Variants in PCCA observed in about 807,000 individuals in gnomAD.
PCCA encodes propionyl-CoA carboxylase alpha chain, mitochondrial.
Under a neutral mutation model 101.3 loss-of-function variants are expected in PCCA, and 74 were observed. The ratio of observed to expected loss-of-function variants is 0.73; its 90% CI spans 0.61 to 0.89. The LOEUF is 0.89. Among genes scored for constraint, PCCA ranks in the 40% least tolerant of loss-of-function variants. The pLI is 0.00. For synonymous variants in PCCA, 294 were observed against 313.6 expected, an observed-to-expected ratio of 0.94 and a Z score of 0.66; for missense variants, 891 against 907.0, an observed-to-expected ratio of 0.98 and a Z score of 0.23.
intron 7 of PCCA, among the ~76,000 whole-genome samples, chr13:100,225,178 G>A (rs1020496256): frequency 1.3e-5 from 2 of 152,192 alleles, no homozygotes; most frequent in African/African-American, 4.8e-5. Context: ...ATAAAGTATT[G>A]TATGCAACAA....
chr13:100,514,385 TC>T (rs1447098375), intron 21 of PCCA, among the ~76,000 whole-genome samples: 6 of 152,154 alleles, frequency 3.9e-5, no homozygotes, highest in Non-Finnish European at 7.3e-5. Flanking sequence ...TGTTTTTGCA[TC>T]CCTGCCATCA....
chr13:100,128,160 G>A (rs1025740139), intron 4 of PCCA, among the ~76,000 whole-genome samples: 11 of 152,124 alleles, frequency 7.2e-5, no homozygotes, highest in African/African-American at 1.2e-4. Flanking sequence ...GCCAATCTTC[G>A]GGTTGCCAAA....
At chr13:100,348,343 GAAA>G (rs1222764754) in intron 18 of PCCA, among the ~76,000 whole-genome samples, 3 of 151,942 alleles carry the variant, frequency 2.0e-5, no homozygotes, top group Non-Finnish European at 4.4e-5. Flanking sequence ...GTTCATTTTA[GAAA>G]AAAAGAAAAG....
intron 4 of PCCA, among the ~76,000 whole-genome samples, chr13:100,129,036 C>T (rs2050236235): frequency 6.6e-6 from 1 of 152,284 alleles, no homozygotes. Context: ...GAATGTTTTA[C>T]CACTACCTCA....
intron 9 of PCCA, among the ~76,000 whole-genome samples, chr13:100,259,329 G>GTTTTTTT (rs5806157): frequency 3.1e-5 from 2 of 65,338 alleles, no homozygotes; most frequent in South Asian, 8.1e-4. Flanking sequence ...AAATGTAATG[G>GTTTTTTT]TTTTTTTTTT....
intron 21 of PCCA, among the ~76,000 whole-genome samples, chr13:100,454,446 A>G (rs1227569919): frequency 6.6e-6 from 1 of 152,234 alleles, no homozygotes; most frequent in Non-Finnish European, 1.5e-5. Context: ...GAAAGGGGGA[A>G]AGAAATAGTT....
At chr13:100,504,147 A>T (rs187673381) in intron 21 of PCCA, among the ~76,000 whole-genome samples, 58 of 152,310 alleles carry the variant, frequency 3.8e-4, no homozygotes, top group African/African-American at 1.3e-3. Flanking sequence ...ACATTGTTTT[A>T]TAAGAGCTGT....
intron 7 of PCCA, among the ~76,000 whole-genome samples, chr13:100,222,860 A>G (rs1425612923): frequency 2.0e-5 from 3 of 152,166 alleles, no homozygotes; most frequent in African/African-American, 7.2e-5. Flanking sequence ...TTATTTGAAT[A>G]TGTAGGATGT....
intron 19 of PCCA, among the ~76,000 whole-genome samples, chr13:100,383,817 A>G (rs900193575): frequency 3.9e-5 from 6 of 152,212 alleles, no homozygotes; most frequent in African/African-American, 1.4e-4. Flanking sequence ...AAGAAAGAAT[A>G]TGGTGATGAA....
intron 4 of PCCA, chr13:100,149,358 A>G (rs891241695): frequency 2.6e-5 from 4 of 152,086 alleles, no homozygotes; most frequent in Non-Finnish European, 2.9e-5. Context: ...GTTCAGTGGC[A>G]TTAAGTACAT....
At chr13:100,133,735 G>A (rs548617010) in intron 4 of PCCA, among the ~76,000 whole-genome samples, 2 of 152,294 alleles carry the variant, frequency 1.3e-5, no homozygotes, top group South Asian at 4.1e-4. Flanking sequence ...ACCAAAGGAG[G>A]TTGACATTTG....
intron 4 of PCCA, among the ~76,000 whole-genome samples, chr13:100,119,866 A>ATTAT (rs573303859): frequency 8.6e-4 from 130 of 151,824 alleles, no homozygotes; most frequent in South Asian, 5.2e-3. Context: ...TCATTTTTAT[A>ATTAT]TTATTTATTT....
chr13:100,188,294 A>AAAAAAAAACAAAACAAAAC (rs1555371934), intron 6 of PCCA, among the ~76,000 whole-genome samples: 1 of 146,896 alleles, frequency 6.8e-6, no homozygotes, highest in Non-Finnish European at 1.5e-5. Flanking sequence ...TCTGTCTCAA[A>AAAAAAAAACAAAACAAAAC]AAAACAAAAC....
At chr13:100,357,069 AT>A (rs1439594806) in intron 18 of PCCA, among the ~76,000 whole-genome samples, 2 of 152,178 alleles carry the variant, frequency 1.3e-5, no homozygotes, top group Non-Finnish European at 2.9e-5. Flanking sequence ...CTGCTCTCGT[AT>A]CTAATGTTTC....
intron 6 of PCCA, among the ~76,000 whole-genome samples, chr13:100,202,327 C>T (rs546847443): frequency 2.0e-5 from 3 of 152,096 alleles, no homozygotes; most frequent in African/African-American, 7.2e-5. Context: ...GAGCAAGACC[C>T]TGTTCCACGA....
intron 21 of PCCA, among the ~76,000 whole-genome samples, chr13:100,474,257 A>G (rs1566404389): frequency 6.6e-6 from 1 of 152,206 alleles, no homozygotes; most frequent in Non-Finnish European, 1.5e-5. Context: ...TTTGACTTTT[A>G]GTGGAATTTC....
intron 17 of PCCA, among the ~76,000 whole-genome samples, chr13:100,333,727 C>T (rs539034079): frequency 6.6e-6 from 1 of 152,226 alleles, no homozygotes; most frequent in South Asian, 2.1e-4. Context: ...CAAGCCCCAT[C>T]GAAAGAAATT....
chr13:100,482,495 G>A (rs2084019367), intron 21 of PCCA, among the ~76,000 whole-genome samples: 2 of 152,326 alleles, frequency 1.3e-5, no homozygotes, highest in African/African-American at 2.4e-5. Flanking sequence ...AACCAAGGAT[G>A]GGTGGGCCTG....
At chr13:100,438,573 A>G (rs1403211427) in intron 20 of PCCA, among the ~76,000 whole-genome samples, 1 of 152,124 alleles carries the variant, frequency 6.6e-6, no homozygotes, top group Non-Finnish European at 1.5e-5. Context: ...AGTGACGCAC[A>G]TAGCATTCCC....
Sources: allele counts gnomAD v4.1 joint callset (sites outside exome capture counted in the v4.1 genomes callset), GRCh38; gene constraint gnomAD v4.1.1; transcripts MANE v1.5; gene names NCBI Gene and HGNC (gene_info 2026-07-23, HGNC 2026-07-21).